The following RRH variants were observed in gnomAD, a reference collection of about 807,000 sequenced individuals.
The protein encoded by RRH is retinal pigment epithelium-derived rhodopsin homolog, also known as visual pigment-like receptor peropsin.
In RRH, 36 loss-of-function variants were observed where a neutral mutation model predicts 33.1. The observed-to-expected ratio is 1.09, with a 90% CI of 0.83 to 1.44. RRH has a LOEUF of 1.44. Ranked by LOEUF, RRH falls within the 40% of genes most tolerant of loss-of-function variation. RRH has a pLI of 0.00. For synonymous variants in RRH, 124 were observed against 140.2 expected (o/e 0.88, Z 0.82); for missense variants, 393 against 420.2 (o/e 0.94, Z 0.57).
rs1266245273 is a variant in RRH at position 109,828,090 on chromosome 4, A to C, written c.63A>C (p.Ser21=). ...DSKNEDGSVF[S]QTEHNIVATY... ...AAAATGAAGATGGCTCGGTCTTTTC[A>C]CAGACTGAACACAATATTGTTGCAA... The change falls in exon 1 of 7, where the codon TCA becomes TCC. Residue 21 remains serine (S), a synonymous_variant. Coordinates refer to ENST00000317735, the MANE Select transcript of RRH (RefSeq NM_006583.5). 2.5e-6 allele frequency: 4 copies of C among 1,612,608 alleles called. No homozygotes were observed. Among genetic ancestry groups the C allele is most frequent in the Non-Finnish European group, 3.4e-6 (4 of 1,178,758 alleles).
Position 109,833,191 on chromosome 4 carries a change from C to A in RRH, c.159C>A (p.Tyr53Ter). Residue 53 changes from tyrosine to a stop codon, truncating the protein, a stop_gained, in exon 2 of 7, where the codon TAC (tyrosine) becomes TAA (stop). Transcript: ENST00000317735. LOFTEE classifies it high-confidence loss of function. ...TAGTTCTGGGCATCTTCATTAAGTACAAGGAACTTCGGACACCCACAAATG... is the reference window on the plus strand; with the variant it reads ...TAGTTCTGGGCATCTTCATTAAGTAAAAGGAACTTCGGACACCCACAAATG... ...NIIVLGIFIK[Y>*]KELRTPTNAI... 1.9e-6 allele frequency: 3 copies of A among 1,613,862 alleles called. No homozygotes were observed. Among genetic ancestry groups the A allele is most frequent in the Non-Finnish European group, 2.5e-6 (3 of 1,179,798 alleles).
intron 2 of RRH, 65 bp downstream of exon 2, chr4:109,833,394 A>G: frequency 1.6e-6 from 2 of 1,289,526 alleles, no homozygotes; most frequent in South Asian, 2.5e-5. Context: ...TTAAATGTCT[A>G]AAACGAATCC....
Position 109,836,161 on chromosome 4 carries a change from G to A in RRH, c.551+1G>A, listed in dbSNP as rs763316908. 1 of 1,613,944 alleles carries A rather than the reference G, an allele frequency of 6.2e-7. No individual in the cohort carries two copies. The highest frequency in any genetic ancestry group is 8.5e-7 in the Non-Finnish European group (1 of 1,179,854). On this transcript the variant is annotated splice_donor_variant, in intron 4 of 6. Coordinates refer to ENST00000317735, the MANE Select transcript of RRH (RefSeq NM_006583.5). LOFTEE classifies it high-confidence loss of function. ...CCATAAACTGGAGGAAAAATGATAG[G>A]TAAGAGACAAGTTTACACTTTATAA...
In RRH at chr4:109,842,539, C is replaced by T. The variant is rs769211582; in HGVS notation, c.791C>T (p.Ser264Phe). 1 of 1,614,070 alleles carries T rather than the reference C, an allele frequency of 6.2e-7. No individual in the cohort carries two copies. Among genetic ancestry groups the T allele is most frequent in the Admixed American group, 1.7e-5 (1 of 60,014 alleles). The change falls in exon 6 of 7, where the codon TCT (serine) becomes TTT (phenylalanine). Residue 264 changes from serine to phenylalanine, a missense_variant. Transcript: ENST00000317735. ...SPYSIVCLWASFGDPKKIPPP... is the reference protein window; with the variant it reads ...SPYSIVCLWAFFGDPKKIPPP... Reference sequence around the variant, plus strand: ...TATTCCATCGTGTGCTTATGGGCTTCTTTTGGTGACCCAAAGAAGATTCCT... The same window carrying T: ...TATTCCATCGTGTGCTTATGGGCTTTTTTTGGTGACCCAAAGAAGATTCCT...
intron 2 of RRH, among the ~76,000 whole-genome samples, chr4:109,834,794 CA>C (rs1488114489): frequency 1.3e-5 from 2 of 152,046 alleles, no homozygotes; most frequent in African/African-American, 4.8e-5. Context: ...CAGAAGTAGC[CA>C]AATTGCTGTC....
chr4:109,839,331 G>A (rs1416279084), intron 5 of RRH, among the ~76,000 whole-genome samples: 4 of 152,116 alleles, frequency 2.6e-5, no homozygotes, highest in Non-Finnish European at 5.9e-5. Flanking sequence ...ATCCGACCCT[G>A]CACTGATATA....
chr4:109,840,741 G>GT (rs78870910), intron 5 of RRH, among the ~76,000 whole-genome samples: 113 of 134,324 alleles, frequency 8.4e-4, no homozygotes, highest in Admixed American at 1.6e-3. Flanking sequence ...TTCTTGCACT[G>GT]TTTTTTTTTT....
At position 109,844,277 on chromosome 4, in the gene RRH, C is replaced by G. The variant is rs927255956; in HGVS notation, c.*80C>G. 2 of 856,128 alleles carry G rather than the reference C, an allele frequency of 2.3e-6. No individual in the cohort carries two copies. Among genetic ancestry groups the G allele is most frequent in the Non-Finnish European group, 3.9e-6 (2 of 506,556 alleles). 53.0% of individuals were successfully genotyped at this position (856,128 alleles called of 1,614,324 possible). On this transcript the variant is annotated 3_prime_UTR_variant, in exon 7 of 7. Transcript: ENST00000317735. ...CTTTTAAATATGAGCCCATTTAGAT[C>G]AAGTGCAGACATGGATCATTGTCCT...
At position 109,835,411 on chromosome 4, in the gene RRH, T is replaced by A; in HGVS notation, c.343T>A (p.Leu115Ile). ...NIFFGMASIGLLTVVAVDRYL... is the reference protein window; with the variant it reads ...NIFFGMASIGILTVVAVDRYL... Reference sequence around the variant, plus strand: ...TTTTTTTGGAATGGCAAGCATTGGATTACTCACGGTCGTGGCTGTGGACCG... The same window carrying A: ...TTTTTTTGGAATGGCAAGCATTGGAATACTCACGGTCGTGGCTGTGGACCG... Residue 115 changes from leucine (L) to isoleucine (I), a missense_variant, in exon 3 of 7, where the codon TTA becomes ATA. Coordinates refer to ENST00000317735, the MANE Select transcript of RRH (RefSeq NM_006583.5). 6.2e-7 allele frequency: 1 copy of A among 1,614,150 alleles called. No individual in the cohort carries two copies. The highest frequency in any genetic ancestry group is 8.5e-7 in the Non-Finnish European group (1 of 1,179,992).
chr4:109,837,642 G>T (rs777902593), intron 5 of RRH, 37 bp downstream of exon 5: 9 of 1,563,436 alleles, frequency 5.8e-6, no homozygotes, highest in Non-Finnish European at 7.9e-6. Context: ...TGTTGTCATG[G>T]AGCTTTTACC....
chr4:109,832,204 G>T (rs1733769867), intron 1 of RRH, among the ~76,000 whole-genome samples: 1 of 143,950 alleles, frequency 6.9e-6, no homozygotes, highest in East Asian at 2.0e-4. Context: ...GCCCATATCT[G>T]GCTTATGCCC....
At position 109,844,136 on chromosome 4, in the gene RRH, CTGTGACAAGTATTTTACCCA is replaced by C; in HGVS notation, c.956_975del (p.Val319GlyfsTer15). The C allele has an allele frequency of 6.2e-7, 1 of 1,613,934 alleles. No homozygotes were observed. Among genetic ancestry groups the C allele is most frequent in the Non-Finnish European group, 8.5e-7 (1 of 1,179,846 alleles). Reference sequence around the variant, plus strand: ...AAATGTCAGACTCACCAAACAATGCCTGTGACAAGTATTTTACCCATGGATGTATCTCAAAACCCATTGGC... The same window carrying C: ...AAATGTCAGACTCACCAAACAATGCCTGGATGTATCTCAAAACCCATTGGC... On this transcript the variant is annotated frameshift_variant, in exon 7 of 7. Coordinates refer to ENST00000317735, the MANE Select transcript of RRH (RefSeq NM_006583.5). LOFTEE classifies it high-confidence loss of function.
chr4:109,837,338 A>T, intron 4 of RRH, 99 bp from the exon 5 acceptor site: 1 of 1,060,236 alleles, frequency 9.4e-7, no homozygotes, highest in African/African-American at 1.6e-5. Context: ...TTAGCAATAT[A>T]ATGACTACCA....
At chr4:109,837,724 C>T in intron 5 of RRH, 119 bp downstream of exon 5, 1 of 762,290 alleles carries the variant, frequency 1.3e-6, no homozygotes, top group Non-Finnish European at 2.3e-6. Context: ...CACTCCCCAG[C>T]TCTTTCTTCT....
intron 1 of RRH, among the ~76,000 whole-genome samples, chr4:109,829,455 C>A (rs1202330475): frequency 6.6e-6 from 1 of 150,850 alleles, no homozygotes; most frequent in Admixed American, 6.6e-5. Flanking sequence ...CAAAACTATC[C>A]TTTTTTGACC....
At chr4:109,838,693 GT>G (rs1378266355) in intron 5 of RRH, among the ~76,000 whole-genome samples, 1 of 152,192 alleles carries the variant, frequency 6.6e-6, no homozygotes, top group Non-Finnish European at 1.5e-5. Context: ...TATTCAAAGA[GT>G]TTTGAAGGCA....
chr4:109,836,921 G>A (rs1411507209), intron 4 of RRH, among the ~76,000 whole-genome samples: 3 of 136,938 alleles, frequency 2.2e-5, no homozygotes, highest in Non-Finnish European at 4.5e-5. Flanking sequence ...AGCAGAGGGT[G>A]GTGCGGGGGG....
At chr4:109,841,132 T>C (rs1162174403) in intron 5 of RRH, among the ~76,000 whole-genome samples, 2 of 152,176 alleles carry the variant, frequency 1.3e-5, no homozygotes, top group Admixed American at 6.5e-5. Context: ...CTTGTTTAAA[T>C]GGAAAAATTA....
At position 109,844,929 on chromosome 4, in the gene RRH, T is replaced by C. The variant is rs992875620; in HGVS notation, c.*732T>C. Among the ~76,000 whole-genome samples the C allele has an allele frequency of 6.6e-5, 10 of 152,202 alleles. No individual in the cohort carries two copies. In the East Asian group the frequency reaches 1.9e-3, roughly 29 times the overall value. On this transcript the variant is annotated 3_prime_UTR_variant, in exon 7 of 7. Transcript: ENST00000317735. ...ATGTAGTAGGCACTCAATAAATATT[T>C]TTTCAATGTCAAATGAATTTGTAGA...
Sources: gnomAD v4.1 joint callset for allele counts (sites outside exome capture counted in the v4.1 genomes callset) on GRCh38, gnomAD v4.1.1 for gene constraint, MANE v1.5 for transcripts, NCBI Gene and HGNC (gene_info 2026-07-23, HGNC 2026-07-21) for gene names.